MECOM: variants seen among roughly 807,000 people sequenced by gnomAD.
The protein encoded by MECOM is histone-lysine N-methyltransferase MECOM.
A neutral mutation model predicts 116.3 loss-of-function variants in MECOM; 13 were observed. The ratio of observed to expected loss-of-function variants is 0.11; its 90% CI spans 0.07 to 0.18. MECOM has a LOEUF of 0.18. Among genes scored for constraint, MECOM ranks in the 10% least tolerant of loss-of-function variants. The pLI is 1.00. For synonymous variants in MECOM, 528 were observed against 535.2 expected (o/e 0.99, Z 0.19); for missense variants, 1,299 against 1,509.0 (o/e 0.86, Z 2.31).
intron 2 of MECOM, among the ~76,000 whole-genome samples, chr3:169,256,319 T>G (rs1235552768): frequency 6.6e-6 from 1 of 151,776 alleles, no homozygotes; most frequent in Non-Finnish European, 1.5e-5. Context: ...AAGGATATAT[T>G]ACCATTTTTT....
In MECOM at chr3:169,145,175, CACACACACACACACAG is replaced by C. The variant is rs759660237; in HGVS notation, c.376-1359_376-1344del. On this transcript the variant is annotated intron_variant, in intron 2 of 16. Coordinates refer to ENST00000651503, the MANE Select transcript of MECOM (RefSeq NM_004991.4). ...ACACACACACACACACACACACACACACACACACACACACAGAGAGAAATCAAACTCTTCTTTTTCA... is the reference window on the plus strand; with the variant it reads ...ACACACACACACACACACACACACACAGAGAAATCAAACTCTTCTTTTTCA... 5 of 475,450 alleles carry C rather than the reference CACACACACACACACAG, an allele frequency of 1.1e-5. No homozygotes were observed. In the African/African-American group the frequency reaches 1.7e-4, roughly 16 times the overall value. 29.5% of individuals were successfully genotyped at this position (475,450 alleles called of 1,614,324 possible).
chr3:169,394,087 ATTGTTGCT>A lies in MECOM; in HGVS notation c.38-12571_38-12564del, dbSNP rs541526958. 3.3e-5 allele frequency among the ~76,000 whole-genome samples: 5 copies of A among 152,238 alleles called. No individual in the cohort carries two copies. The South Asian group carries it at 1.0e-3, about 32-fold the overall frequency. ...CACAATAATTTAACAGGCTTTTGCT[ATTGTTGCT>A]TTGTTGTTTTGTTGCTGTTGTTGTA... is the stretch of plus-strand genomic sequence containing the variant. On this transcript the variant is annotated intron_variant, in intron 1 of 16. Coordinates refer to ENST00000651503, the MANE Select transcript of MECOM (RefSeq NM_004991.4).
At chr3:169,120,487 T>C (rs142685921) in intron 7 of MECOM, among the ~76,000 whole-genome samples, 3 of 152,116 alleles carry the variant, frequency 2.0e-5, no homozygotes, top group Admixed American at 1.3e-4. Context: ...AGTGAAAATG[T>C]TCTGCTTTTC....
At chr3:169,174,670 C>T (rs565714086) in intron 2 of MECOM, among the ~76,000 whole-genome samples, 21 of 152,210 alleles carry the variant, frequency 1.4e-4, no homozygotes, top group African/African-American at 2.9e-4. Flanking sequence ...GATATTGGAT[C>T]GGAAATTCTG....
At chr3:169,175,781 T>C (rs1745069680) in intron 2 of MECOM, among the ~76,000 whole-genome samples, 1 of 152,182 alleles carries the variant, frequency 6.6e-6, no homozygotes, top group Non-Finnish European at 1.5e-5. Context: ...GGGTAGGTAC[T>C]CAATAATAAT....
At chr3:169,412,850 CT>C (rs1350084151) in intron 1 of MECOM, among the ~76,000 whole-genome samples, 3 of 152,126 alleles carry the variant, frequency 2.0e-5, no homozygotes, top group African/African-American at 7.2e-5. Context: ...TGGGTTACAG[CT>C]TTTCTCTTCA....
intron 2 of MECOM, among the ~76,000 whole-genome samples, chr3:169,243,018 T>A (rs192448241): frequency 6.6e-6 from 1 of 152,298 alleles, no homozygotes; most frequent in Admixed American, 6.5e-5. Context: ...TTAACCTTTG[T>A]TATTCCATCA....
chr3:169,663,225 C>G, intron 1 of MECOM, 111 bp downstream of exon 1: 1 of 1,312,792 alleles, frequency 7.6e-7, no homozygotes, highest in Non-Finnish European at 1.1e-6. Context: ...GCCCTCCACC[C>G]GGGGCCCCGG....
chr3:169,132,875 A>C (rs999886094), intron 3 of MECOM, among the ~76,000 whole-genome samples: 1 of 150,946 alleles, frequency 6.6e-6, no homozygotes, highest in Non-Finnish European at 1.5e-5. Flanking sequence ...TACCTCAGCC[A>C]CCTGAGTAGC....
At chr3:169,103,277 A>G (rs1217084061) in intron 10 of MECOM, among the ~76,000 whole-genome samples, 1 of 151,792 alleles carries the variant, frequency 6.6e-6, no homozygotes, top group Non-Finnish European at 1.5e-5. Flanking sequence ...TCTTAGCTTG[A>G]TTCTTAAGCT....
intron 1 of MECOM, among the ~76,000 whole-genome samples, chr3:169,441,171 GGACA>G (rs1432918508): frequency 6.6e-6 from 1 of 152,144 alleles, no homozygotes; most frequent in Non-Finnish European, 1.5e-5. Context: ...TGAGCTGAGT[GGACA>G]GACAGAGTCC....
At chr3:169,109,981 C>G (rs1398121249) in intron 9 of MECOM, among the ~76,000 whole-genome samples, 1 of 152,082 alleles carries the variant, frequency 6.6e-6, no homozygotes, top group African/African-American at 2.4e-5. Context: ...TTGATCCTCC[C>G]TTTATTATTA....
At chr3:169,456,499 G>A (rs1042957876) in intron 1 of MECOM, among the ~76,000 whole-genome samples, 1 of 152,102 alleles carries the variant, frequency 6.6e-6, no homozygotes, top group South Asian at 2.1e-4. Flanking sequence ...CAATAATATG[G>A]TAAATGGCTG....
At chr3:169,643,997 C>T (rs548916056) in intron 1 of MECOM, among the ~76,000 whole-genome samples, 32 of 152,184 alleles carry the variant, frequency 2.1e-4, no homozygotes, top group Non-Finnish European at 1.9e-4. Context: ...CCCCCTCGTA[C>T]GCATTGCCTA....
At chr3:169,253,281 A>C (rs1238852486) in intron 2 of MECOM, among the ~76,000 whole-genome samples, 2 of 152,170 alleles carry the variant, frequency 1.3e-5, no homozygotes, top group Non-Finnish European at 2.9e-5. Context: ...AATCTAATGT[A>C]ATGAACTTCA....
chr3:169,371,695 A>G (rs2108196109), intron 2 of MECOM, among the ~76,000 whole-genome samples: 1 of 152,136 alleles, frequency 6.6e-6, no homozygotes, highest in Non-Finnish European at 1.5e-5. Flanking sequence ...AAAATAAAAA[A>G]TAAAACAAAC....
intron 2 of MECOM, among the ~76,000 whole-genome samples, chr3:169,297,424 T>A (rs898035618): frequency 1.3e-5 from 2 of 152,226 alleles, no homozygotes; most frequent in Non-Finnish European, 2.9e-5. Flanking sequence ...TGTCTTTTTA[T>A]GTTATTGCTT....
At chr3:169,618,171 C>A (rs1770258032) in intron 1 of MECOM, among the ~76,000 whole-genome samples, 1 of 152,140 alleles carries the variant, frequency 6.6e-6, no homozygotes, top group Admixed American at 6.6e-5. Flanking sequence ...ATTTTAGAAA[C>A]AAAGACATTT....
At chr3:169,461,273 G>A (rs768896140) in intron 1 of MECOM, among the ~76,000 whole-genome samples, 11 of 152,040 alleles carry the variant, frequency 7.2e-5, no homozygotes, top group Non-Finnish European at 1.3e-4. Context: ...TTGAAGCTGT[G>A]GTCTTATCTG....
Sources: gnomAD v4.1 joint callset for allele counts (sites outside exome capture counted in the v4.1 genomes callset) on GRCh38, gnomAD v4.1.1 for gene constraint, MANE v1.5 for transcripts, NCBI Gene and HGNC (gene_info 2026-07-23, HGNC 2026-07-21) for gene names.